Variants in DISP1 observed in about 807,000 individuals in gnomAD.
DISP1 encodes dispatched RND transporter family member 1.
In DISP1, 30 loss-of-function variants were observed where a neutral mutation model predicts 37.3. The ratio of observed to expected loss-of-function variants is 0.80; its 90% CI spans 0.60 to 1.09. The LOEUF (loss-of-function observed/expected upper bound fraction) is 1.09. DISP1 is among the 50% of genes least tolerant of loss of function. The pLI is 0.00. For synonymous variants in DISP1, 634 were observed against 690.2 expected (o/e 0.92, Z 1.28); for missense variants, 1,598 against 1,879.5 (o/e 0.85, Z 2.77).
At chr1:222,971,036 T>C (rs902969978) in intron 3 of DISP1, among the ~76,000 whole-genome samples, 1 of 151,912 alleles carries the variant, frequency 6.6e-6, no homozygotes, top group African/African-American at 2.4e-5. Flanking sequence ...GTTTAGTTGA[T>C]TTTTTTTCTT....
Position 223,005,280 on chromosome 1 carries a change from T to C in DISP1, c.3883T>C (p.Cys1295Arg). The C allele has an allele frequency of 6.2e-7, 1 of 1,613,812 alleles. No individual in the cohort carries two copies. Among genetic ancestry groups the C allele is most frequent in the Non-Finnish European group, 8.5e-7 (1 of 1,180,034 alleles). Reference protein sequence around the residue: ...HSCQQMGDCLCHQCSPTTSSF... With the variant: ...HSCQQMGDCLRHQCSPTTSSF... ...TTGCCAGCAGATGGGGGACTGCTTGTGCCACCAGTGCTCTCCTACCACTAG... is the reference window on the plus strand; with the variant it reads ...TTGCCAGCAGATGGGGGACTGCTTGCGCCACCAGTGCTCTCCTACCACTAG... The change falls in exon 9 of 9, where the codon TGC (cysteine) becomes CGC (arginine). Residue 1295 changes from cysteine to arginine, a missense_variant. Cys to Arg is a radical substitution (Grantham distance 180, BLOSUM62 -3). Coordinates refer to ENST00000675850, the MANE Select transcript of DISP1 (RefSeq NM_001377229.1).
At chr1:222,953,798 A>T (rs1031984933) in intron 3 of DISP1, among the ~76,000 whole-genome samples, 2 of 152,186 alleles carry the variant, frequency 1.3e-5, no homozygotes, top group Non-Finnish European at 2.9e-5. Flanking sequence ...CTTCTTTGAG[A>T]GAGTTCTTCT....
chr1:222,849,968 A>G (rs912856920), intron 1 of DISP1, among the ~76,000 whole-genome samples: 4 of 152,174 alleles, frequency 2.6e-5, no homozygotes, highest in Non-Finnish European at 5.9e-5. Flanking sequence ...GTATGTGGAC[A>G]TGGCTAATAA....
At chr1:222,985,702 G>T (rs1366316645) in intron 4 of DISP1, among the ~76,000 whole-genome samples, 1 of 152,104 alleles carries the variant, frequency 6.6e-6, no homozygotes, top group Non-Finnish European at 1.5e-5. Flanking sequence ...AACCTGTCTT[G>T]TAGATATTTG....
chr1:222,935,122 G>C (rs1035051955), intron 2 of DISP1, among the ~76,000 whole-genome samples: 7 of 152,154 alleles, frequency 4.6e-5, no homozygotes, highest in Non-Finnish European at 8.8e-5. Flanking sequence ...CATGTTGTTG[G>C]AGGCTTGTTG....
intron 1 of DISP1, among the ~76,000 whole-genome samples, chr1:222,915,211 C>T (rs1158641610): frequency 2.0e-5 from 3 of 152,094 alleles, no homozygotes; most frequent in African/African-American, 7.2e-5. Flanking sequence ...ATAAATGGTA[C>T]ATTTTAGCTT....
At chr1:222,835,955 CAAAA>C (rs1275754600) in intron 1 of DISP1, among the ~76,000 whole-genome samples, 2 of 117,042 alleles carry the variant, frequency 1.7e-5, no homozygotes, top group Admixed American at 1.9e-4. Flanking sequence ...ACTCTTGTCT[CAAAA>C]AAAAAAAAAA....
intron 1 of DISP1, among the ~76,000 whole-genome samples, chr1:222,833,280 A>G (rs1455785702): frequency 6.6e-6 from 1 of 152,210 alleles, no homozygotes; most frequent in Non-Finnish European, 1.5e-5. Context: ...ACCTCACAGG[A>G]GTTCATATTA....
At chr1:222,940,470 A>G (rs1169886576) in intron 2 of DISP1, among the ~76,000 whole-genome samples, 1 of 152,176 alleles carries the variant, frequency 6.6e-6, no homozygotes, top group Middle Eastern at 3.2e-3. Flanking sequence ...ACAGTTCGAC[A>G]TGAGATTTGG....
intron 3 of DISP1, among the ~76,000 whole-genome samples, chr1:222,946,946 A>G (rs766698095): frequency 1.3e-5 from 2 of 152,202 alleles, no homozygotes; most frequent in Admixed American, 1.3e-4. Context: ...GGCAATCTCT[A>G]GATTTCATCC....
chr1:222,925,859 A>T (rs2125448601), intron 1 of DISP1, among the ~76,000 whole-genome samples: 1 of 152,266 alleles, frequency 6.6e-6, no homozygotes, highest in African/African-American at 2.4e-5. Context: ...CCTCATGCAC[A>T]CTCAAGTTAA....
intron 1 of DISP1, among the ~76,000 whole-genome samples, chr1:222,848,121 A>G (rs1212338314): frequency 1.3e-5 from 2 of 152,100 alleles, no homozygotes; most frequent in Non-Finnish European, 2.9e-5. Context: ...TGATTGATTT[A>G]TCTTTTCTCC....
chr1:222,950,834 A>C (rs1276090052), intron 3 of DISP1, among the ~76,000 whole-genome samples: 1 of 152,236 alleles, frequency 6.6e-6, no homozygotes, highest in Non-Finnish European at 1.5e-5. Context: ...GTGAAAGAGT[A>C]GTGGTATTAT....
At chr1:222,888,065 T>C (rs942438246) in intron 1 of DISP1, among the ~76,000 whole-genome samples, 1 of 152,224 alleles carries the variant, frequency 6.6e-6, no homozygotes, top group Non-Finnish European at 1.5e-5. Flanking sequence ...ATTTTCAAAA[T>C]TGATCTGCCT....
chr1:222,818,397 G>C (rs1661781106), intron 1 of DISP1, among the ~76,000 whole-genome samples: 1 of 152,096 alleles, frequency 6.6e-6, no homozygotes, highest in South Asian at 2.1e-4. Context: ...TGACCTGGTG[G>C]AGCCTCCCAC....
intron 1 of DISP1, among the ~76,000 whole-genome samples, chr1:222,918,756 C>G (rs1672638030): frequency 6.6e-6 from 1 of 152,234 alleles, no homozygotes; most frequent in Non-Finnish European, 1.5e-5. Flanking sequence ...TTTGTTTTCT[C>G]TGTGCCTTCT....
At position 223,005,426 on chromosome 1, in the gene DISP1, G is replaced by A. The variant is rs778567585; in HGVS notation, c.4029G>A (p.Lys1343=). ...HHCPCLQGRV[K]PAGMQNSLPR... ...GTCCCTGCCTGCAGGGCAGAGTAAA[G>A]CCAGCCGGAATGCAGAATTCTCTGC... Residue 1343 remains lysine, a synonymous_variant, in exon 9 of 9, where the codon AAG becomes AAA. Transcript: ENST00000675850. 1.2e-6 allele frequency: 2 copies of A among 1,613,406 alleles called. No individual in the cohort carries two copies. The highest frequency in any genetic ancestry group is 1.7e-6 in the Non-Finnish European group (2 of 1,180,030).
chr1:222,958,163 C>G (rs1251548231), intron 3 of DISP1, among the ~76,000 whole-genome samples: 1 of 151,544 alleles, frequency 6.6e-6, no homozygotes, highest in African/African-American at 2.4e-5. Flanking sequence ...TTGAGTTGGC[C>G]CTGGGATTTA....
At chr1:222,882,158 A>G (rs1670318720) in intron 1 of DISP1, among the ~76,000 whole-genome samples, 1 of 152,196 alleles carries the variant, frequency 6.6e-6, no homozygotes, top group African/African-American at 2.4e-5. Flanking sequence ...ATGGACATGG[A>G]GATGTCCTAG....
Sources: allele counts gnomAD v4.1 joint callset (sites outside exome capture counted in the v4.1 genomes callset), GRCh38; gene constraint gnomAD v4.1.1; transcripts MANE v1.5; gene names NCBI Gene and HGNC (gene_info 2026-07-23, HGNC 2026-07-21).